ABCA9: variants seen among roughly 807,000 people sequenced by gnomAD.
ABCA9 encodes ATP-binding cassette sub-family A member 9.
In ABCA9, 183 loss-of-function variants were observed where a neutral mutation model predicts 205.3. The observed-to-expected ratio is 0.89, with a 90% CI of 0.79 to 1.01. The LOEUF (loss-of-function observed/expected upper bound fraction) is 1.01, where lower values mean the gene tolerates loss of function less well. ABCA9 is among the 50% of genes least tolerant of loss of function. The pLI is 0.00. For synonymous variants in ABCA9, 651 were observed against 683.3 expected, an observed-to-expected ratio of 0.95 and a Z score of 0.74; for missense variants, 1,805 against 1,912.4, an observed-to-expected ratio of 0.94 and a Z score of 1.05.
chr17:68,979,471 G>A (rs887946313), intron 37 of ABCA9, among the ~76,000 whole-genome samples: 1 of 150,758 alleles, frequency 6.6e-6, no homozygotes, highest in East Asian at 1.9e-4. Flanking sequence ...AGCCTGCATT[G>A]CCAAGTCAAT....
At chr17:69,018,704 T>C in intron 19 of ABCA9, 125 bp from the exon 20 acceptor site, 1 of 728,434 alleles carries the variant, frequency 1.4e-6, no homozygotes, top group East Asian at 3.2e-5. Flanking sequence ...ATTTGAATCA[T>C]ACTTTGCCCC....
chr17:69,068,001 A>C, the ABCA9 span, among the ~76,000 whole-genome samples: 1 of 152,126 alleles, frequency 6.6e-6, no homozygotes, highest in African/African-American at 2.4e-5. Flanking sequence ...TCTAGGCCCC[A>C]CTCCACAATA....
Position 69,035,821 on chromosome 17 carries a change from G to A in ABCA9, c.801-20C>T, listed in dbSNP as rs368231648. On this transcript the variant is annotated intron_variant, in intron 6 of 38. Coordinates refer to ENST00000340001, the MANE Select transcript of ABCA9 (RefSeq NM_080283.4). ...GAAAGCCTAGCAGAGAAACAAAGCC[G>A]TCAGTTAGAATGTTGTTACTTCATC... 40 of 1,603,640 alleles carry A rather than the reference G, an allele frequency of 2.5e-5. No individual in the cohort carries two copies. Among genetic ancestry groups the A allele is most frequent in the African/African-American group, 5.4e-5 (4 of 74,382 alleles).
Position 69,044,630 on chromosome 17 carries a change from G to A in ABCA9, c.470-30C>T, listed in dbSNP as rs146452287. 5.9e-5 allele frequency: 94 copies of A among 1,590,410 alleles called. No individual in the cohort carries two copies. The East Asian group carries it at 1.5e-3, about 25-fold the overall frequency. On this transcript the variant is annotated intron_variant, in intron 4 of 38. Coordinates refer to ENST00000340001, the MANE Select transcript of ABCA9 (RefSeq NM_080283.4). ...AGAAGAAGAACACATCCATTATTAC[G>A]GAATGATACAATCTTGGCTACAGAA... is the stretch of plus-strand genomic sequence containing the variant.
intron 6 of ABCA9, among the ~76,000 whole-genome samples, chr17:69,037,498 A>G (rs2071385117): frequency 6.6e-6 from 1 of 152,210 alleles, no homozygotes; most frequent in Non-Finnish European, 1.5e-5. Context: ...GCAGAAATAA[A>G]TAAGTTTTTT....
intron 3 of ABCA9, among the ~76,000 whole-genome samples, chr17:69,048,018 C>T (rs1051672152): frequency 1.0e-3 from 156 of 152,248 alleles, no homozygotes; most frequent in African/African-American, 3.6e-3. Flanking sequence ...GATGGGGAAG[C>T]AGGCACCTTC....
In ABCA9 at chr17:69,040,375, T is replaced by C. The variant is rs772131185; in HGVS notation, c.800+3114A>G. Among the ~76,000 whole-genome samples, 121 of 152,206 alleles carry C rather than the reference T, an allele frequency of 7.9e-4. 1 individual carries two copies. Among genetic ancestry groups the C allele is most frequent in the Middle Eastern group, 3.4e-3 (1 of 294 alleles). ...ATACACCATGGAATATATGCAGCCA[T>C]AAAAAAGAATGAGTTCATGTCAATT... On this transcript the variant is annotated intron_variant, in intron 6 of 38. Coordinates refer to ENST00000340001, the MANE Select transcript of ABCA9 (RefSeq NM_080283.4).
chr17:69,039,284 G>A (rs1253409376), intron 6 of ABCA9, among the ~76,000 whole-genome samples: 1 of 152,104 alleles, frequency 6.6e-6, no homozygotes, highest in Non-Finnish European at 1.5e-5. Context: ...GAACAAAGCT[G>A]GAGGCATCAC....
intron 10 of ABCA9, among the ~76,000 whole-genome samples, chr17:69,030,302 C>T (rs767697620): frequency 1.9e-4 from 29 of 152,146 alleles, no homozygotes; most frequent in Non-Finnish European, 3.4e-4. Flanking sequence ...GGCTCTCTTC[C>T]TGGCTTGCAA....
chr17:69,044,447 C>A, intron 5 of ABCA9, 50 bp downstream of exon 5: 1 of 1,495,480 alleles, frequency 6.7e-7, no homozygotes, highest in South Asian at 1.1e-5. Flanking sequence ...AATCACCATC[C>A]AGCAAAATTC....
intron 32 of ABCA9, 63 bp downstream of exon 32, chr17:68,986,101 G>T: frequency 6.7e-7 from 1 of 1,484,380 alleles, no homozygotes; most frequent in Non-Finnish European, 9.0e-7. Flanking sequence ...TCTTCATTTT[G>T]TGTGTATGTT....
chr17:69,021,190 G>T (rs2070795513), intron 18 of ABCA9, among the ~76,000 whole-genome samples: 1 of 151,954 alleles, frequency 6.6e-6, no homozygotes, highest in African/African-American at 2.4e-5. Context: ...AAAGAAAAAT[G>T]CTTGATCAAT....
chr17:69,046,504 C>T (rs946761932), intron 3 of ABCA9, among the ~76,000 whole-genome samples: 16 of 152,112 alleles, frequency 1.1e-4, no homozygotes, highest in Non-Finnish European at 1.8e-4. Flanking sequence ...GTGCCTAGGT[C>T]CATTAATTCA....
chr17:68,984,928 C>T lies in ABCA9; in HGVS notation c.4336G>A (p.Glu1446Lys). 6.2e-7 allele frequency: 1 copy of T among 1,614,196 alleles called. No homozygotes were observed. The highest frequency in any genetic ancestry group is 8.5e-7 in the Non-Finnish European group (1 of 1,180,040). ...TCGGGGTCCATCCCGGTCGACGGCT[C>T]ATCCAGAAGCACCACTGACGGGTTC... ...LGNPSVVLLD[E>K]PSTGMDPEGQ... Residue 1446 changes from glutamate (E) to lysine (K), a missense_variant, in exon 34 of 39, where the codon GAG becomes AAG. Transcript: ENST00000340001.
the ABCA9 span, among the ~76,000 whole-genome samples, chr17:69,070,440 G>A: frequency 1.5e-4 from 23 of 152,218 alleles, no homozygotes; most frequent in African/African-American, 5.1e-4. Context: ...AGCCCATTGA[G>A]GGGGAGCAGA....
rs147704935 is a variant in ABCA9 at position 69,016,173 on chromosome 17, TATAAC to T, written c.3039+75_3039+79del. On this transcript the variant is annotated intron_variant, in intron 22 of 38. Transcript: ENST00000340001. ...TTAAGAATAGATTCACAAAAAGTAA[TATAAC>T]ATTATTTTAGCATTTCAAGAATTTT... The T allele has an allele frequency of 0.013, 14,016 of 1,079,408 alleles. 1,276 individuals carry two copies. In the African/African-American group the frequency reaches 0.2, roughly 15 times the overall value. The allele number at this position is 1,079,408 out of a possible 1,614,324, so 66.9% of individuals were successfully genotyped here.
chr17:69,016,442 T>C, intron 21 of ABCA9, 52 bp from the exon 22 acceptor site: 1 of 1,480,964 alleles, frequency 6.8e-7, no homozygotes, highest in Non-Finnish European at 9.0e-7. Flanking sequence ...AAGACAAAAT[T>C]TAATGAGTGA....
intron 23 of ABCA9, 33 bp downstream of exon 23, chr17:69,011,943 T>A: frequency 6.7e-7 from 1 of 1,501,924 alleles, no homozygotes; most frequent in Non-Finnish European, 9.1e-7. Context: ...TCTCTAGATA[T>A]AAAAAACATG....
chr17:68,991,007 T>C (rs1404433168), intron 28 of ABCA9, 50 bp from the exon 29 acceptor site: 3 of 1,576,784 alleles, frequency 1.9e-6, no homozygotes, highest in Non-Finnish European at 1.7e-6. Flanking sequence ...AAAAATCTTG[T>C]ATCAAAATTA....
Sources: allele counts gnomAD v4.1 joint callset (sites outside exome capture counted in the v4.1 genomes callset), GRCh38; gene constraint gnomAD v4.1.1; transcripts MANE v1.5; gene names NCBI Gene and HGNC (gene_info 2026-07-23, HGNC 2026-07-21).